ANXA2: variants seen among roughly 807,000 people sequenced by gnomAD.
The protein encoded by ANXA2 is annexin II.
Under a neutral mutation model 47.3 loss-of-function variants are expected in ANXA2, and 28 were observed. The ratio of observed to expected loss-of-function variants is 0.59; its 90% CI spans 0.44 to 0.81. The LOEUF is 0.81. Ranked by LOEUF, ANXA2 falls within the 40% of genes least tolerant of loss-of-function variation. ANXA2 has a pLI of 0.00. For missense variants in ANXA2, 384 were observed against 414.3 expected (o/e 0.93, Z 0.64); for synonymous variants, 172 against 155.5 (o/e 1.11, Z -0.79).
chr15:60,384,357 G>A (rs1442077792), intron 2 of ANXA2: 5 of 152,194 alleles, frequency 3.3e-5, no homozygotes, highest in African/African-American at 1.2e-4. Context: ...TCATTTTATA[G>A]TGTCTCTGGA....
intron 7 of ANXA2, among the ~76,000 whole-genome samples, chr15:60,355,033 C>G (rs925176483): frequency 6.6e-6 from 1 of 152,078 alleles, no homozygotes; most frequent in African/African-American, 2.4e-5. Context: ...AGCGGGAGAG[C>G]CAGCTGGCAC....
chr15:60,351,418 C>G, intron 10 of ANXA2, 167 bp from the exon 11 acceptor site: 2 of 703,818 alleles, frequency 2.8e-6, no homozygotes, highest in Non-Finnish European at 4.8e-6. Flanking sequence ...CTCTGCAATA[C>G]TAAGTTCCAC....
chr15:60,376,549 T>C (rs781001715), intron 3 of ANXA2, among the ~76,000 whole-genome samples: 1 of 152,178 alleles, frequency 6.6e-6, no homozygotes, highest in African/African-American at 2.4e-5. Flanking sequence ...ATTCATTCAG[T>C]TGAGCACAGC....
At chr15:60,348,638 G>T (rs1304987659) in intron 12 of ANXA2, among the ~76,000 whole-genome samples, 1 of 151,916 alleles carries the variant, frequency 6.6e-6, no homozygotes, top group Non-Finnish European at 1.5e-5. Flanking sequence ...CTAGCTACTT[G>T]GGAGGCTGAG....
intron 3 of ANXA2, among the ~76,000 whole-genome samples, chr15:60,380,804 C>CAAAAA (rs61570476): frequency 6.5e-5 from 4 of 61,174 alleles, no homozygotes; most frequent in African/African-American, 2.5e-4. Flanking sequence ...AACTCCATCT[C>CAAAAA]AAAAAAAAAA....
chr15:60,349,079 A>G lies in ANXA2; in HGVS notation c.956T>C (p.Ile319Thr), dbSNP rs749005860. The stretch of plus-strand genomic sequence containing the variant: ...GACACTGCACCTCGGGCTTACCTGG[A>G]TATAATAGTACAGGGACTTGCCGTA... The part of the protein sequence containing the change: ...RKYGKSLYYY[I>T]QQDTKGDYQK... The change falls in exon 12 of 13, where the codon ATC becomes ACC. Residue 319 changes from isoleucine (I) to threonine (T), a missense_variant. By Grantham distance (89) the Ile-to-Thr change is moderately conservative. Transcript: ENST00000451270. 4.3e-6 allele frequency: 7 copies of G among 1,614,054 alleles called. No homozygotes were observed. Among genetic ancestry groups the G allele is most frequent in the Non-Finnish European group, 5.9e-6 (7 of 1,180,000 alleles).
chr15:60,359,491 C>T (rs555627526), intron 5 of ANXA2, among the ~76,000 whole-genome samples: 8 of 152,308 alleles, frequency 5.3e-5, no homozygotes, highest in South Asian at 4.1e-4. Context: ...TTCTTAATGA[C>T]GTCTTTTCTG....
At chr15:60,374,846 G>A (rs536288213) in intron 3 of ANXA2, among the ~76,000 whole-genome samples, 1 of 152,314 alleles carries the variant, frequency 6.6e-6, no homozygotes, top group African/African-American at 2.4e-5. Context: ...TCAGCAACTG[G>A]GAAGGGTCCG....
chr15:60,387,504 AC>A (rs1286829144), intron 1 of ANXA2, among the ~76,000 whole-genome samples: 2 of 152,226 alleles, frequency 1.3e-5, no homozygotes, highest in African/African-American at 4.8e-5. Context: ...ACACAGAGGA[AC>A]CTAAATTGCA....
chr15:60,392,088 T>C (rs907767712), intron 1 of ANXA2, among the ~76,000 whole-genome samples: 2 of 152,256 alleles, frequency 1.3e-5, no homozygotes, highest in South Asian at 4.2e-4. Context: ...ATAAGAGCCA[T>C]ACCCACCTCA....
intron 3 of ANXA2, among the ~76,000 whole-genome samples, chr15:60,381,849 C>A (rs1464793934): frequency 6.6e-6 from 1 of 152,132 alleles, no homozygotes; most frequent in East Asian, 1.9e-4. Context: ...CCAACTTCTT[C>A]CTTGCAGAAG....
At position 60,385,846 on chromosome 15, in the gene ANXA2, A is replaced by G. The variant is rs2062924679; in HGVS notation, c.48+182T>C. 3 of 523,076 alleles carry G rather than the reference A, an allele frequency of 5.7e-6. 1 individual carries two copies. In the African/African-American group the frequency reaches 6.6e-5, roughly 11 times the overall value. The allele number at this position is 523,076 out of a possible 1,614,324, so 32.4% of individuals were successfully genotyped here. A position where few individuals can be genotyped will look rare whatever the true frequency, so the allele number is the denominator to read the frequency against. On this transcript the variant is annotated intron_variant, in intron 2 of 12. Coordinates refer to ENST00000451270, the MANE Select transcript of ANXA2 (RefSeq NM_004039.3). ...GAGGCCAAGAAAAGTTTCCAGTGCC[A>G]TGATATTTCCTTCAAATTGAACTAC... is the stretch of plus-strand genomic sequence containing the variant.
In ANXA2 at chr15:60,386,046, C is replaced by T; in HGVS notation, c.30G>A (p.Lys10=). 1 of 1,612,844 alleles carries T rather than the reference C, an allele frequency of 6.2e-7. No homozygotes were observed. Among genetic ancestry groups the T allele is most frequent in the Non-Finnish European group, 8.5e-7 (1 of 1,179,516 alleles). MSTVHEILC[K]LSLEGDHSTP... Reference sequence around the variant, plus strand: ...TACTTACATCACCCTCCAAGCTGAGCTTGCACAGGATTTCGTGAACAGTAG... The same window carrying T: ...TACTTACATCACCCTCCAAGCTGAGTTTGCACAGGATTTCGTGAACAGTAG... Residue 10 remains lysine (K), a synonymous_variant, in exon 2 of 13, where the codon AAG becomes AAA. Transcript: ENST00000451270.
intron 1 of ANXA2, chr15:60,391,170 G>C (rs1030496717): frequency 1.3e-5 from 2 of 152,280 alleles, no homozygotes; most frequent in Non-Finnish European, 2.9e-5. Flanking sequence ...GGGTCACCCA[G>C]TGAATTAAGT....
chr15:60,359,089 T>TA (rs924185258), intron 5 of ANXA2, among the ~76,000 whole-genome samples: 3 of 152,212 alleles, frequency 2.0e-5, no homozygotes, highest in African/African-American at 7.2e-5. Flanking sequence ...GATTTTTTTT[T>TA]AAGCATAGTT....
In ANXA2 at chr15:60,361,070, C is replaced by T; in HGVS notation, c.244-16G>A. 1 of 1,509,560 alleles carries T rather than the reference C, an allele frequency of 6.6e-7. No homozygotes were observed. Among genetic ancestry groups the T allele is most frequent in the Non-Finnish European group, 9.2e-7 (1 of 1,084,506 alleles). 93.5% of individuals were successfully genotyped at this position (1,509,560 alleles called of 1,614,324 possible). ...ATGCAAGTTCCTTCAAGATAACAGG[C>T]AATCATAAGGAAAATATTTATTTTA... On this transcript the variant is annotated splice_polypyrimidine_tract_variant and intron_variant, in intron 4 of 12. Transcript: ENST00000451270.
intron 3 of ANXA2, among the ~76,000 whole-genome samples, chr15:60,370,820 C>G (rs2062700742): frequency 6.6e-6 from 1 of 152,146 alleles, no homozygotes; most frequent in South Asian, 2.1e-4. Flanking sequence ...GGCACAGGGT[C>G]TAAAGAAACT....
intron 7 of ANXA2, 67 bp downstream of exon 7, chr15:60,355,852 T>G: frequency 7.8e-7 from 1 of 1,289,002 alleles, no homozygotes; most frequent in Non-Finnish European, 1.1e-6. Context: ...TCACTCCAAG[T>G]ATAAAATGAG....
At chr15:60,357,652 G>T (rs1353676796) in intron 5 of ANXA2, among the ~76,000 whole-genome samples, 2 of 152,136 alleles carry the variant, frequency 1.3e-5, no homozygotes, top group East Asian at 3.9e-4. Context: ...AATTAGCTGG[G>T]CATGGTAGCG....
Sources: allele counts gnomAD v4.1 joint callset (sites outside exome capture counted in the v4.1 genomes callset), GRCh38; gene constraint gnomAD v4.1.1; transcripts MANE v1.5; gene names NCBI Gene and HGNC (gene_info 2026-07-23, HGNC 2026-07-21).